RHBDF1: variants seen among roughly 807,000 people sequenced by gnomAD.
The protein encoded by RHBDF1 is rhomboid 5 homolog 1.
A neutral mutation model predicts 98.6 loss-of-function variants in RHBDF1; 80 were observed. The observed-to-expected ratio is 0.81, with a 90% CI of 0.68 to 0.98. The LOEUF (loss-of-function observed/expected upper bound fraction) is 0.98. RHBDF1 is among the 50% of genes least tolerant of loss of function. The pLI is 0.00. For missense variants in RHBDF1, 1,116 were observed against 1,198.3 expected (o/e 0.93, Z 1.01); for synonymous variants, 512 against 486.8 (o/e 1.05, Z -0.68).
At position 64,888 on chromosome 16, in the gene RHBDF1, C is replaced by G. The variant is rs771230509; in HGVS notation, c.117+11G>C. Reference sequence around the variant, plus strand: ...AGGGGGCACCCACAGTCCCTGCAGGCCAGGGCCTACCTGCAGGAAGCTGGG... The same window carrying G: ...AGGGGGCACCCACAGTCCCTGCAGGGCAGGGCCTACCTGCAGGAAGCTGGG... On this transcript the variant is annotated intron_variant, in intron 2 of 17. Coordinates refer to ENST00000262316, the MANE Select transcript of RHBDF1 (RefSeq NM_022450.5). 1.9e-6 allele frequency: 3 copies of G among 1,612,236 alleles called. No homozygotes were observed. Among genetic ancestry groups the G allele is most frequent in the Non-Finnish European group, 2.5e-6 (3 of 1,178,820 alleles).
rs143325503 is a variant in RHBDF1 at position 58,598 on chromosome 16, A to G, written c.2310T>C (p.Phe770=). Residue 770 remains phenylalanine (F), a synonymous_variant, in exon 18 of 18, where the codon TTT becomes TTC. Transcript: ENST00000262316. Reference sequence around the variant, plus strand: ...CACTGATGAACCCTGAGATGTGGGCAAAGTTGTCAATCCACGGCAGCAGCC... The same window carrying G: ...CACTGATGAACCCTGAGATGTGGGCGAAGTTGTCAATCCACGGCAGCAGCC... ...TFGLLPWIDN[F]AHISGFISGL... 4.4e-5 allele frequency: 71 copies of G among 1,613,692 alleles called. No homozygotes were observed. The highest frequency in any genetic ancestry group is 5.9e-5 in the Non-Finnish European group (70 of 1,179,994).
At position 59,126 on chromosome 16, in the gene RHBDF1, T is replaced by C. The variant is rs766656591; in HGVS notation, c.1996A>G (p.Ile666Val). 5.9e-5 allele frequency: 95 copies of C among 1,612,648 alleles called. No homozygotes were observed. Among genetic ancestry groups the C allele is most frequent in the Non-Finnish European group, 8.1e-5 (95 of 1,179,514 alleles). ...CAGATGGACACCAGGCAGTGCAAGA[T>C]CCTGTAGTCAGTAGCAGGCGGGGGT... ...LWLSLFLHAG[I>V]LHCLVSICFQ... is the part of the protein sequence containing the mutation. The change falls in exon 17 of 18, where the codon ATC becomes GTC. Residue 666 changes from isoleucine to valine, a missense_variant and splice_region_variant. By Grantham distance (29) the Ile-to-Val change is conservative (BLOSUM62 3). Transcript: ENST00000262316.
rs368710397 is a variant in RHBDF1, at chr16:69,354, G to A, written c.-25+3159C>T. On this transcript the variant is annotated intron_variant, in intron 1 of 17. Coordinates refer to ENST00000262316, the MANE Select transcript of RHBDF1 (RefSeq NM_022450.5). The stretch of plus-strand genomic sequence containing the variant: ...GGCGGCGGAGTTGACTGCCAACCCC[G>A]GGGCCAGAACCATCAAGCCTGGGCT... 7.7e-4 allele frequency among the ~76,000 whole-genome samples: 117 copies of A among 152,220 alleles called. 1 individual carries two copies. The highest frequency in any genetic ancestry group is 3.4e-3 in the Middle Eastern group (1 of 294).
chr16:65,684 G>A (rs910792651), intron 1 of RHBDF1, among the ~76,000 whole-genome samples: 10 of 152,170 alleles, frequency 6.6e-5, no homozygotes, highest in African/African-American at 2.2e-4. Flanking sequence ...GGGACAAAGG[G>A]CCCACTATGC....
chr16:72,296 C>T (rs1320240098), intron 1 of RHBDF1, among the ~76,000 whole-genome samples: 1 of 152,080 alleles, frequency 6.6e-6, no homozygotes, highest in Non-Finnish European at 1.5e-5. Context: ...GCTGGGCCGC[C>T]TCCGCGGGCG....
At chr16:60,957 G>T in intron 11 of RHBDF1, 163 bp downstream of exon 11, 2 of 720,136 alleles carry the variant, frequency 2.8e-6, no homozygotes, top group Middle Eastern at 2.5e-4. Context: ...TGGAGATGGG[G>T]GAGGGTGGGG....
rs752947675 is a variant in RHBDF1, at chr16:63,199, G to A, written c.463-17C>T. Reference sequence around the variant, plus strand: ...GTCTATGATCTGGAGGAGGGGAGGAGATGCTGGAGTCAGGACCATGGGGGC... The same window carrying A: ...GTCTATGATCTGGAGGAGGGGAGGAAATGCTGGAGTCAGGACCATGGGGGC... On this transcript the variant is annotated splice_polypyrimidine_tract_variant and intron_variant, in intron 4 of 17. Transcript: ENST00000262316. 1.3e-6 allele frequency: 2 copies of A among 1,549,568 alleles called. No individual in the cohort carries two copies. The highest frequency in any genetic ancestry group is 2.4e-5 in the South Asian group (2 of 84,608).
chr16:62,496 C>CG (rs1397923462), intron 7 of RHBDF1, 42 bp downstream of exon 7: 8 of 1,601,628 alleles, frequency 5.0e-6, no homozygotes, highest in African/African-American at 1.3e-5. Context: ...TGACGGGCCC[C>CG]GGGGTCTCTC....
chr16:62,220 G>A, intron 7 of RHBDF1, 168 bp from the exon 8 acceptor site: 1 of 970,698 alleles, frequency 1.0e-6, no homozygotes, highest in Non-Finnish European at 1.5e-6. Context: ...GGCCTCCGGG[G>A]ATGGCAGGGA....
chr16:71,776 C>G (rs1424712971), intron 1 of RHBDF1, among the ~76,000 whole-genome samples: 1 of 152,254 alleles, frequency 6.6e-6, no homozygotes, highest in African/African-American at 2.4e-5. Context: ...CACAAACATG[C>G]CCCCAGCATG....
chr16:65,106 C>G, intron 1 of RHBDF1, 67 bp from the exon 2 acceptor site: 1 of 1,460,838 alleles, frequency 6.8e-7, no homozygotes, highest in Non-Finnish European at 9.0e-7. Context: ...GCACCCAGAC[C>G]CGGGAGGAGG....
At chr16:60,776 G>C in intron 11 of RHBDF1, 1 of 576,758 alleles carries the variant, frequency 1.7e-6, no homozygotes, top group Non-Finnish European at 3.1e-6. Flanking sequence ...AACTGGTATG[G>C]ACTACGGCAC....
rs1897508967 is a variant in RHBDF1, at chr16:59,258, A to G, written c.1985T>C (p.Leu662Pro). 5.6e-6 allele frequency: 9 copies of G among 1,603,734 alleles called. No individual in the cohort carries two copies. Among genetic ancestry groups the G allele is most frequent in the Non-Finnish European group, 6.8e-6 (8 of 1,173,956 alleles). Residue 662 changes from leucine to proline, a missense_variant, in exon 16 of 18, where the codon CTG (leucine) becomes CCG (proline). By Grantham distance (98) the Leu-to-Pro change is moderately conservative (BLOSUM62 -3). Transcript: ENST00000262316. Reference sequence around the variant, plus strand: ...CCACAGTGTCACTTGCCCGGCGTGCAGGAAGAGGGATAGCCACAGGCGGTA... The same window carrying G: ...CCACAGTGTCACTTGCCCGGCGTGCGGGAAGAGGGATAGCCACAGGCGGTA... ...QFYRLWLSLF[L>P]HAGILHCLVS...
In RHBDF1 at chr16:63,767, G is replaced by A. The variant is rs200452986; in HGVS notation, c.282C>T (p.Asp94=). The stretch of plus-strand genomic sequence containing the variant: ...GCTGCCATTTCTGGGTGCTGTCACT[G>A]TCCTTGCTCACTCCAAACCAGTCGG... The part of the protein sequence containing the change: ...GTADWFGVSK[D]SDSTQKWQRK... The change falls in exon 4 of 18, where the codon GAC becomes GAT. Residue 94 remains aspartate, a synonymous_variant. Transcript: ENST00000262316. 1.1e-4 allele frequency: 182 copies of A among 1,614,000 alleles called. No individual in the cohort carries two copies. Among genetic ancestry groups the A allele is most frequent in the Middle Eastern group, 1.6e-4 (1 of 6,062 alleles).
In RHBDF1 at chr16:64,975, C is replaced by A. The variant is rs201187945; in HGVS notation, c.41G>T (p.Arg14Leu). The stretch of plus-strand genomic sequence containing the variant: ...CAGCTTTAGCCAGGGTGGCTTCTTG[C>A]GCTGCAGGCTGCTCGTGCTGTCCCT... ...ARRDSTSSLQ[R>L]KKPPWLKLDI... The change falls in exon 2 of 18, where the codon CGC becomes CTC. Residue 14 changes from arginine (R) to leucine (L), a missense_variant. Coordinates refer to ENST00000262316, the MANE Select transcript of RHBDF1 (RefSeq NM_022450.5). 1.9e-6 allele frequency: 3 copies of A among 1,552,410 alleles called. No individual in the cohort carries two copies. The highest frequency in any genetic ancestry group is 1.9e-5 in the Admixed American group (1 of 53,838).
Position 62,667 on chromosome 16 carries a change from G to A in RHBDF1, c.824C>T (p.Thr275Ile), listed in dbSNP as rs755465390. ...GGACTCGAAAACTTCATCCGGGTAT[G>A]TGGACAGCTCTTCATGGAGGATACC... is the stretch of plus-strand genomic sequence containing the variant. ...REGILHEELS[T>I]YPDEVFESPS... The change falls in exon 7 of 18, where the codon ACA becomes ATA. Residue 275 changes from threonine (T) to isoleucine (I), a missense_variant. By Grantham distance (89) the Thr-to-Ile change is moderately conservative. Transcript: ENST00000262316. The A allele has an allele frequency of 5.0e-6, 8 of 1,614,024 alleles. No individual in the cohort carries two copies. Among genetic ancestry groups the A allele is most frequent in the Middle Eastern group, 1.6e-4 (1 of 6,084 alleles).
At chr16:62,112 C>A in intron 7 of RHBDF1, 60 bp from the exon 8 acceptor site, 1 of 1,431,346 alleles carries the variant, frequency 7.0e-7, no homozygotes, top group South Asian at 1.5e-5. Context: ...AGTCCCTCCC[C>A]GGGGGGCACC....
In RHBDF1 at chr16:62,496, C is replaced by T. The variant is rs1326918687; in HGVS notation, c.953+42G>A. The T allele has an allele frequency of 3.1e-6, 5 of 1,601,746 alleles. No homozygotes were observed. In the Admixed American group the frequency reaches 5.0e-5, roughly 16 times the overall value. ...TCGCCCAGCTGTTCCTGACGGGCCC[C>T]GGGGTCTCTCTCTGCCCCTCTTCCC... On this transcript the variant is annotated intron_variant, in intron 7 of 17. Coordinates refer to ENST00000262316, the MANE Select transcript of RHBDF1 (RefSeq NM_022450.5).
At chr16:70,018 G>GT (rs972486876) in intron 1 of RHBDF1, among the ~76,000 whole-genome samples, 1 of 152,082 alleles carries the variant, frequency 6.6e-6, no homozygotes, top group Non-Finnish European at 1.5e-5. Context: ...AGGAGGGGGG[G>GT]GGGCACTGCC....
Sources: gnomAD v4.1 joint callset for allele counts (sites outside exome capture counted in the v4.1 genomes callset) on GRCh38, gnomAD v4.1.1 for gene constraint, MANE v1.5 for transcripts, NCBI Gene and HGNC (gene_info 2026-07-23, HGNC 2026-07-21) for gene names.